Variants in PUS10 observed in about 807,000 individuals in gnomAD.
PUS10 encodes the protein pseudouridine synthase 10, also known as tRNA pseudouridine synthase Pus10.
A neutral mutation model predicts 75.0 loss-of-function variants in PUS10; 59 were observed. That is an observed-to-expected ratio of 0.79 (90% confidence interval 0.64 to 0.98). The LOEUF (loss-of-function observed/expected upper bound fraction) is 0.98. Ranked by LOEUF, PUS10 falls within the 50% of genes least tolerant of loss-of-function variation. The pLI is 0.00. For missense variants in PUS10, 650 were observed against 614.4 expected (o/e 1.06, Z -0.61); for synonymous variants, 219 against 211.6 (o/e 1.03, Z -0.30).
chr2:60,952,449 A>G (rs1187501320), intron 15 of PUS10, among the ~76,000 whole-genome samples: 2 of 152,178 alleles, frequency 1.3e-5, no homozygotes, highest in African/African-American at 4.8e-5. Flanking sequence ...ATGCTCAGGT[A>G]TAGGAAAATG....
intron 4 of PUS10, among the ~76,000 whole-genome samples, chr2:60,982,028 A>G (rs1302356071): frequency 6.6e-6 from 1 of 152,094 alleles, no homozygotes; most frequent in East Asian, 1.9e-4. Flanking sequence ...TGACTCAAGA[A>G]GAGGGAAAAA....
intron 4 of PUS10, among the ~76,000 whole-genome samples, chr2:60,987,326 T>C (rs1398003320): frequency 6.6e-6 from 1 of 152,128 alleles, no homozygotes; most frequent in African/African-American, 2.4e-5. Flanking sequence ...TTAATTCCTG[T>C]CCAATTTAAA....
intron 2 of PUS10, chr2:61,009,887 C>T (rs1679486268): frequency 6.6e-6 from 1 of 152,228 alleles, no homozygotes; most frequent in Admixed American, 6.5e-5. Flanking sequence ...AGCTCTCCTG[C>T]TTTAACAGAG....
intron 4 of PUS10, among the ~76,000 whole-genome samples, chr2:60,974,822 C>T (rs932428669): frequency 6.6e-6 from 1 of 152,246 alleles, no homozygotes; most frequent in Non-Finnish European, 1.5e-5. Context: ...ACACACCTCT[C>T]GCTGCTCCAC....
At position 60,971,521 on chromosome 2, in the gene PUS10, A is replaced by C. The variant is rs1558916001; in HGVS notation, c.503+2T>G. 3 of 1,613,326 alleles carry C rather than the reference A, an allele frequency of 1.9e-6. No homozygotes were observed. In the Admixed American group the frequency reaches 5.0e-5, roughly 27 times the overall value. ...TAAAAATTCCCTACCTAAATTACTT[A>C]CCCCATTTCCTGTTTTACCAGCAAC... is the stretch of plus-strand genomic sequence containing the variant. On this transcript the variant is annotated splice_donor_variant, in intron 5 of 17. Transcript: ENST00000316752. LOFTEE classifies it high-confidence loss of function.
chr2:60,946,194 G>A (rs1674934845), intron 16 of PUS10, among the ~76,000 whole-genome samples: 1 of 152,132 alleles, frequency 6.6e-6, no homozygotes, highest in Admixed American at 6.5e-5. Flanking sequence ...AATAGCCCCA[G>A]AATAACCAGT....
At chr2:60,971,625 A>G (rs1397502826) in intron 4 of PUS10, 68 bp from the exon 5 acceptor site, 9 of 1,412,806 alleles carry the variant, frequency 6.4e-6, no homozygotes, top group African/African-American at 2.8e-5. Flanking sequence ...TTAAGTCTCA[A>G]TATCATTACT....
intron 7 of PUS10, 88 bp from the exon 8 acceptor site, chr2:60,965,191 C>T (rs1676260224): frequency 7.5e-7 from 1 of 1,338,294 alleles, no homozygotes; most frequent in African/African-American, 1.5e-5. Context: ...AAAATGGCTG[C>T]TAAACTCAGG....
intron 4 of PUS10, among the ~76,000 whole-genome samples, chr2:60,999,863 A>T (rs1346531584): frequency 6.6e-6 from 1 of 152,192 alleles, no homozygotes; most frequent in Non-Finnish European, 1.5e-5. Flanking sequence ...TTTTCCTGTG[A>T]TTATTCCCCA....
At chr2:61,001,780 C>T (rs924597665) in intron 4 of PUS10, among the ~76,000 whole-genome samples, 1 of 152,224 alleles carries the variant, frequency 6.6e-6, no homozygotes, top group Non-Finnish European at 1.5e-5. Flanking sequence ...GAGATCCCTA[C>T]TTCTTCATTC....
chr2:61,010,646 T>C (rs1679539928), intron 2 of PUS10: 1 of 935,848 alleles, frequency 1.1e-6, no homozygotes, highest in African/African-American at 1.7e-5. Context: ...TTCAAAGTGT[T>C]TCCACGTACT....
intron 4 of PUS10, among the ~76,000 whole-genome samples, chr2:60,983,191 C>T (rs1388881991): frequency 2.0e-5 from 3 of 152,106 alleles, no homozygotes; most frequent in Admixed American, 1.3e-4. Flanking sequence ...CCACACCCAG[C>T]CCTTAAGTCT....
intron 1 of PUS10, chr2:61,017,543 G>A (rs994794220): frequency 1.6e-4 from 86 of 532,112 alleles, no homozygotes; most frequent in Middle Eastern, 1.5e-3. Context: ...GCTCTTTCTG[G>A]GGCAAATACA....
At chr2:60,975,666 CA>C (rs1160640734) in intron 4 of PUS10, among the ~76,000 whole-genome samples, 13,006 of 79,494 alleles carry the variant, frequency 0.16, 626 homozygotes, top group Middle Eastern at 0.28. Flanking sequence ...AGGGAGCATT[CA>C]AAAAAAAAAA....
chr2:61,006,902 T>C (rs1235309898), intron 3 of PUS10, among the ~76,000 whole-genome samples: 4 of 152,234 alleles, frequency 2.6e-5, no homozygotes, highest in Middle Eastern at 3.2e-3. Flanking sequence ...AATAGCTTTC[T>C]ATTAGGTCAC....
chr2:60,962,190 C>T (rs748066736), intron 9 of PUS10, among the ~76,000 whole-genome samples: 3 of 152,350 alleles, frequency 2.0e-5, no homozygotes, highest in Non-Finnish European at 2.9e-5. Context: ...AATTTCAGGA[C>T]ATCTGGCTCC....
Position 60,942,305 on chromosome 2 carries a change from T to C in PUS10, c.*90A>G, listed in dbSNP as rs917594618. 1.2e-5 allele frequency: 12 copies of C among 1,003,988 alleles called. No homozygotes were observed. The South Asian group carries it at 1.4e-4, about 12-fold the overall frequency. The allele number at this position is 1,003,988 out of a possible 1,614,324, so 62.2% of individuals were successfully genotyped here. The stretch of plus-strand genomic sequence containing the variant: ...CCAAATAGTTTTCAAGACACCGTTA[T>C]GGTGGGTAAACAGCCATTTTACGGC... On this transcript the variant is annotated 3_prime_UTR_variant, in exon 18 of 18. Transcript: ENST00000316752.
chr2:60,942,953 C>A (rs1674705364), intron 17 of PUS10, among the ~76,000 whole-genome samples: 1 of 151,216 alleles, frequency 6.6e-6, no homozygotes, highest in Non-Finnish European at 1.5e-5. Flanking sequence ...ACAGCTTGAG[C>A]CCAGGAGGCA....
intron 4 of PUS10, among the ~76,000 whole-genome samples, chr2:60,993,674 T>A (rs1678260760): frequency 6.6e-6 from 1 of 152,078 alleles, no homozygotes; most frequent in Non-Finnish European, 1.5e-5. Context: ...TTAATATCAG[T>A]GAGGAAAAAT....
Sources: gnomAD v4.1 joint callset for allele counts (sites outside exome capture counted in the v4.1 genomes callset) on GRCh38, gnomAD v4.1.1 for gene constraint, MANE v1.5 for transcripts, NCBI Gene and HGNC (gene_info 2026-07-23, HGNC 2026-07-21) for gene names.